Variants in MMP28 observed in about 807,000 individuals in gnomAD.
MMP28 encodes the protein matrix metallopeptidase 28.
Under a neutral mutation model 60.5 loss-of-function variants are expected in MMP28, and 55 were observed. The observed-to-expected ratio is 0.91, with a 90% CI of 0.73 to 1.14. The LOEUF (loss-of-function observed/expected upper bound fraction) is 1.14, where lower values mean the gene tolerates loss of function less well. Ranked by LOEUF, MMP28 falls within the 50% of genes most tolerant of loss-of-function variation. MMP28 has a pLI of 0.00. For missense variants in MMP28, 686 were observed against 738.3 expected (o/e 0.93, Z 0.82); for synonymous variants, 318 against 312.5 (o/e 1.02, Z -0.18).
chr17:35,764,356 G>A, downstream of MMP28: 1 of 1,454,988 alleles, frequency 6.9e-7, no homozygotes, highest in Non-Finnish European at 9.0e-7. Flanking sequence ...CGGGGCACGA[G>A]GGAGGCGGTG....
intron 1 of MMP28, among the ~76,000 whole-genome samples, chr17:35,788,089 G>A (rs1430172127): frequency 6.6e-6 from 1 of 150,698 alleles, no homozygotes; most frequent in East Asian, 2.0e-4. Flanking sequence ...AATTTTTGTA[G>A]AGATGGGGGT....
intron 3 of MMP28, among the ~76,000 whole-genome samples, chr17:35,774,919 G>A (rs1053676542): frequency 6.6e-6 from 1 of 152,186 alleles, no homozygotes; most frequent in African/African-American, 2.4e-5. Flanking sequence ...GCTCTTTCAC[G>A]CCCTTGCTGT....
At chr17:35,767,129 C>A in intron 7 of MMP28, 1 of 702,120 alleles carries the variant, frequency 1.4e-6, no homozygotes, top group South Asian at 1.5e-5. Flanking sequence ...GCAGATAGCC[C>A]CGAAAGGAAG....
Position 35,795,404 on chromosome 17 carries a change from C to T in MMP28, c.-27G>A, listed in dbSNP as rs1184113358. 1 of 1,383,164 alleles carries T rather than the reference C, an allele frequency of 7.2e-7. No individual in the cohort carries two copies. Among genetic ancestry groups the T allele is most frequent in the South Asian group, 1.6e-5 (1 of 61,086 alleles). 85.7% of individuals were successfully genotyped at this position (1,383,164 alleles called of 1,614,324 possible). ...TCGCCGCCTCCGGTGCAGCCCGGCT[C>T]GGGGAGCTACTGCGCGCAGGGAACC... On this transcript the variant is annotated 5_prime_UTR_variant, in exon 1 of 8. Transcript: ENST00000605424.
In MMP28 at chr17:35,795,467, G is replaced by C; in HGVS notation, c.-90C>G. 1.1e-6 allele frequency: 1 copy of C among 947,370 alleles called. No homozygotes were observed. Among genetic ancestry groups the C allele is most frequent in the Non-Finnish European group, 1.4e-6 (1 of 693,586 alleles). The allele number at this position is 947,370 out of a possible 1,614,324, so 58.7% of individuals were successfully genotyped here. ...GCCGCGCCCGGGACCCCGGGGATGGGACTGCTCTGCGCCGCCCCCGCACGG... is the reference window on the plus strand; with the variant it reads ...GCCGCGCCCGGGACCCCGGGGATGGCACTGCTCTGCGCCGCCCCCGCACGG... On this transcript the variant is annotated 5_prime_UTR_variant, in exon 1 of 8. Coordinates refer to ENST00000605424, the MANE Select transcript of MMP28 (RefSeq NM_024302.5).
chr17:35,768,243 A>T lies in MMP28; in HGVS notation c.987T>A (p.Asp329Glu), dbSNP rs773488573. The change falls in exon 6 of 8, where the codon GAT (aspartate) becomes GAA (glutamate). Residue 329 changes from aspartate to glutamate, a missense_variant. Physicochemically the swap from Asp to Glu is conservative, Grantham distance 45. Coordinates refer to ENST00000605424, the MANE Select transcript of MMP28 (RefSeq NM_024302.5). ...GGACCTTCTTACCTACAGTGATGGC[A>T]TCGAAGGAAGAGTGGCAGTATTTAG... ...QGPKYCHSSF[D>E]AITVDRQQQL... 15 of 1,608,210 alleles carry T rather than the reference A, an allele frequency of 9.3e-6. No homozygotes were observed. The highest frequency in any genetic ancestry group is 1.3e-5 in the Non-Finnish European group (15 of 1,177,566).
chr17:35,778,703 C>CGG, intron 3 of MMP28, 185 bp downstream of exon 3: 2 of 1,347,040 alleles, frequency 1.5e-6, no homozygotes, highest in Admixed American at 2.7e-5. Context: ...AGGTGTCATT[C>CGG]TGAATTAAAT....
intron 4 of MMP28, among the ~76,000 whole-genome samples, chr17:35,771,017 C>T (rs1346148395): frequency 6.6e-6 from 1 of 152,152 alleles, no homozygotes; most frequent in African/African-American, 2.4e-5. Context: ...TGCGCCACTA[C>T]ACTCCAGCCT....
intron 1 of MMP28, among the ~76,000 whole-genome samples, chr17:35,779,590 G>A (rs868339873): frequency 2.6e-5 from 4 of 152,146 alleles, no homozygotes; most frequent in Admixed American, 1.3e-4. Flanking sequence ...TGGGCCAGTA[G>A]TACCTACCCA....
At chr17:35,764,299 G>C (rs782246248), downstream of MMP28, 1 of 1,510,276 alleles carries the variant, frequency 6.6e-7, no homozygotes, top group East Asian at 2.5e-5. Context: ...TAGCGCTGCT[G>C]GGCGGCCTAA....
chr17:35,775,312 T>C (rs186722591), intron 3 of MMP28, among the ~76,000 whole-genome samples: 103 of 152,298 alleles, frequency 6.8e-4, no homozygotes, highest in African/African-American at 2.1e-3. Context: ...CCCTCCAGAT[T>C]TGCTCCCATG....
At chr17:35,791,075 C>T (rs2086802099) in intron 1 of MMP28, among the ~76,000 whole-genome samples, 2 of 151,628 alleles carry the variant, frequency 1.3e-5, no homozygotes, top group African/African-American at 2.4e-5. Flanking sequence ...TTACCTGCCC[C>T]CGCTTGCCTT....
At chr17:35,772,688 G>A (rs2086193843) in intron 4 of MMP28, among the ~76,000 whole-genome samples, 1 of 152,238 alleles carries the variant, frequency 6.6e-6, no homozygotes, top group African/African-American at 2.4e-5. Context: ...TCAGGTTGGG[G>A]ACAAACAGAA....
At chr17:35,756,947 C>T (rs1045970385) in intron 2 of MMP28, among the ~76,000 whole-genome samples, 8 of 151,806 alleles carry the variant, frequency 5.3e-5, no homozygotes, top group African/African-American at 1.9e-4. Context: ...CTTGTCATCC[C>T]AGCACTTTAG....
At chr17:35,774,705 G>C (rs1341366087) in intron 3 of MMP28, among the ~76,000 whole-genome samples, 2 of 152,174 alleles carry the variant, frequency 1.3e-5, no homozygotes, top group Non-Finnish European at 2.9e-5. Context: ...CCGCCTCCCT[G>C]GGCCTGTTTG....
intron 1 of MMP28, among the ~76,000 whole-genome samples, chr17:35,790,088 A>T: frequency 1.1e-5 from 1 of 88,376 alleles, no homozygotes; most frequent in South Asian, 3.9e-4. Flanking sequence ...TTTTTTTGAG[A>T]CAGAGTCTCG....
intron 1 of MMP28, among the ~76,000 whole-genome samples, chr17:35,789,262 A>C (rs1363914444): frequency 6.6e-6 from 1 of 152,210 alleles, no homozygotes; most frequent in Non-Finnish European, 1.5e-5. Flanking sequence ...ACACATATAT[A>C]GAGGCACAAG....
chr17:35,783,375 A>G (rs916177892), intron 1 of MMP28, among the ~76,000 whole-genome samples: 1 of 152,244 alleles, frequency 6.6e-6, no homozygotes, highest in African/African-American at 2.4e-5. Flanking sequence ...ACTGCTTTGA[A>G]CATGGCAGTT....
intron 1 of MMP28, among the ~76,000 whole-genome samples, chr17:35,783,013 A>T (rs1555609739): frequency 6.6e-6 from 1 of 151,898 alleles, no homozygotes. Flanking sequence ...TTTTTAGTAG[A>T]GACAGGGTTT....
Sources: gnomAD v4.1 joint callset for allele counts (sites outside exome capture counted in the v4.1 genomes callset) on GRCh38, gnomAD v4.1.1 for gene constraint, MANE v1.5 for transcripts, NCBI Gene and HGNC (gene_info 2026-07-23, HGNC 2026-07-21) for gene names.